RGS7: variants seen among roughly 807,000 people sequenced by gnomAD.
RGS7 encodes regulator of G-protein signaling 7.
Under a neutral mutation model 81.1 loss-of-function variants are expected in RGS7, and 27 were observed. The observed-to-expected ratio is 0.33, with a 90% confidence interval of 0.25 to 0.46. The LOEUF (loss-of-function observed/expected upper bound fraction) is 0.46. Among genes scored for constraint, RGS7 ranks in the 20% least tolerant of loss-of-function variants. The pLI, the probability that RGS7 is intolerant of heterozygous loss-of-function variation, is 1.00. For missense variants in RGS7, 396 were observed against 607.4 expected (o/e 0.65, Z 3.66); for synonymous variants, 208 against 207.7 (o/e 1.00, Z -0.01).
intron 10 of RGS7, among the ~76,000 whole-genome samples, chr1:240,820,183 GAAAT>G (rs1417465885): frequency 6.6e-6 from 1 of 152,182 alleles, no homozygotes; most frequent in Non-Finnish European, 1.5e-5. Context: ...GAGAGGAAGA[GAAAT>G]AAAATCTCTT....
In RGS7 at chr1:240,800,678, G is replaced by C; in HGVS notation, c.1457C>G (p.Pro486Arg). 6.5e-7 allele frequency: 1 copy of C among 1,547,450 alleles called. No individual in the cohort carries two copies. Among genetic ancestry groups the C allele is most frequent in the Non-Finnish European group, 8.7e-7 (1 of 1,144,744 alleles). ...CAGGTTAGTGCTGGCCCTCAGTGTT[G>C]GTGTACAGTTTTTATGGCATGGGAA... ...PIFPCHKNCT[P>R]TLRASTNLL Residue 486 changes from proline (P) to arginine (R), a missense_variant, in exon 18 of 19, where the codon CCA becomes CGA. Coordinates refer to ENST00000440928, the MANE Select transcript of RGS7 (RefSeq NM_001364886.1).
At chr1:241,183,502 T>C (rs2071817924) in intron 2 of RGS7, among the ~76,000 whole-genome samples, 1 of 152,172 alleles carries the variant, frequency 6.6e-6, no homozygotes, top group African/African-American at 2.4e-5. Flanking sequence ...AATTCAACAG[T>C]CTAGATATAT....
intron 6 of RGS7, among the ~76,000 whole-genome samples, chr1:240,876,958 T>A (rs957952400): frequency 6.6e-6 from 1 of 152,096 alleles, no homozygotes; most frequent in Non-Finnish European, 1.5e-5. Flanking sequence ...AATGAGACTT[T>A]GTTTCCAAAA....
intron 3 of RGS7, among the ~76,000 whole-genome samples, chr1:241,094,244 C>T (rs1281614919): frequency 6.7e-6 from 1 of 149,836 alleles, no homozygotes; most frequent in African/African-American, 2.5e-5. Context: ...CATAAACACA[C>T]ACACACACAC....
chr1:241,007,905 A>T (rs188742617), intron 3 of RGS7, among the ~76,000 whole-genome samples: 210 of 152,326 alleles, frequency 1.4e-3, no homozygotes, highest in African/African-American at 4.8e-3. Context: ...GCGCACAGGG[A>T]CAACAGGTGG....
intron 2 of RGS7, among the ~76,000 whole-genome samples, chr1:241,197,285 C>G (rs1217112806): frequency 5.2e-5 from 2 of 38,740 alleles, no homozygotes; most frequent in African/African-American, 1.5e-4. Context: ...GACGGAGTCT[C>G]GCTCTGTCGC....
intron 3 of RGS7, among the ~76,000 whole-genome samples, chr1:241,064,818 C>A (rs2061966530): frequency 6.6e-6 from 1 of 152,074 alleles, no homozygotes; most frequent in Non-Finnish European, 1.5e-5. Flanking sequence ...ATCCGTAGTG[C>A]CATATCCATC....
At chr1:241,270,144 G>A (rs545189672) in intron 2 of RGS7, among the ~76,000 whole-genome samples, 4 of 152,220 alleles carry the variant, frequency 2.6e-5, no homozygotes, top group East Asian at 1.9e-4. Context: ...AGCTCTGCCC[G>A]CCTCCACTGG....
chr1:241,337,328 C>T (rs1362528886), intron 2 of RGS7, among the ~76,000 whole-genome samples: 3 of 152,090 alleles, frequency 2.0e-5, no homozygotes, highest in Non-Finnish European at 4.4e-5. Flanking sequence ...AGTTGAACAA[C>T]CAGAAGTTGA....
intron 2 of RGS7, among the ~76,000 whole-genome samples, chr1:241,196,385 TA>T (rs147544944): frequency 2.0e-5 from 3 of 151,096 alleles, no homozygotes; most frequent in Admixed American, 6.6e-5. Context: ...AAAAAATGTG[TA>T]AAAAAAAACC....
intron 6 of RGS7, among the ~76,000 whole-genome samples, chr1:240,891,455 T>C (rs1449815237): frequency 2.8e-4 from 42 of 152,190 alleles, no homozygotes; most frequent in Admixed American, 2.7e-3. Flanking sequence ...TATATTTATA[T>C]TCAGAATCTC....
intron 2 of RGS7, among the ~76,000 whole-genome samples, chr1:241,246,495 A>G (rs1163349235): frequency 6.6e-6 from 1 of 152,190 alleles, no homozygotes; most frequent in Non-Finnish European, 1.5e-5. Context: ...GATCCATTCC[A>G]GTACTAATAC....
At chr1:240,814,867 C>T in intron 11 of RGS7, 90 bp from the exon 12 acceptor site, 1 of 842,664 alleles carries the variant, frequency 1.2e-6, no homozygotes, top group South Asian at 1.3e-5. Context: ...CAATTCTGAA[C>T]AAGAGTATAG....
At chr1:240,872,790 C>T (rs969385148) in intron 6 of RGS7, among the ~76,000 whole-genome samples, 1 of 152,150 alleles carries the variant, frequency 6.6e-6, no homozygotes, top group African/African-American at 2.4e-5. Context: ...GTCAAAACTA[C>T]AGCTCAGGCT....
intron 3 of RGS7, among the ~76,000 whole-genome samples, chr1:241,064,468 G>C (rs2061943002): frequency 6.6e-6 from 1 of 150,722 alleles, no homozygotes; most frequent in African/African-American, 2.4e-5. Context: ...CACACCTGCA[G>C]TCCCAGCTAC....
Position 241,144,473 on chromosome 1 carries a change from T to C in RGS7, c.79-45711A>G, listed in dbSNP as rs1342046669. On this transcript the variant is annotated intron_variant, in intron 2 of 18. Coordinates refer to ENST00000440928, the MANE Select transcript of RGS7 (RefSeq NM_001364886.1). This position sits in a 1 kb window ranked among gnomAD's most constrained non-coding sequence, Gnocchi z 4.7. ...ACGGAAGCAGCTTTGTAAACCTACA[T>C]AAAGATTCCCCCTTCCTTGGGAAGC... Among the ~76,000 whole-genome samples, 1 of 152,132 alleles carries C rather than the reference T, an allele frequency of 6.6e-6. No homozygotes were observed. Among genetic ancestry groups the C allele is most frequent in the Non-Finnish European group, 1.5e-5 (1 of 68,026 alleles).
At chr1:241,006,458 G>T (rs192462088) in intron 3 of RGS7, among the ~76,000 whole-genome samples, 1 of 152,218 alleles carries the variant, frequency 6.6e-6, no homozygotes, top group Non-Finnish European at 1.5e-5. Flanking sequence ...CGCTAGACAA[G>T]AACATGGCAC....
chr1:240,995,067 T>A (rs1203621050), intron 3 of RGS7, among the ~76,000 whole-genome samples: 6 of 152,234 alleles, frequency 3.9e-5, no homozygotes, highest in Non-Finnish European at 7.3e-5. Flanking sequence ...GTTTTGAATT[T>A]TGTCTACTAG....
chr1:240,795,206 A>ACCCC (rs1341347813), intron 18 of RGS7, among the ~76,000 whole-genome samples: 1 of 63,624 alleles, frequency 1.6e-5, no homozygotes, highest in Admixed American at 1.3e-4. Context: ...TAAACAAAAA[A>ACCCC]ACCCACCACC....
Sources: gnomAD v4.1 joint callset for allele counts (sites outside exome capture counted in the v4.1 genomes callset) on GRCh38, gnomAD v4.1.1 for gene constraint, Gnocchi (gnomAD v3.1) non-coding constraint, MANE v1.5 for transcripts, NCBI Gene and HGNC (gene_info 2026-07-23, HGNC 2026-07-21) for gene names.